PLEKHG4B: variants seen among roughly 807,000 people sequenced by gnomAD.
The protein encoded by PLEKHG4B is pleckstrin homology domain-containing family G member 4B.
A neutral mutation model predicts 121.3 loss-of-function variants in PLEKHG4B; 111 were observed. The observed-to-expected ratio is 0.92, with a 90% confidence interval of 0.78 to 1.07. The LOEUF is 1.07. Ranked by LOEUF, PLEKHG4B falls within the 50% of genes least tolerant of loss-of-function variation. PLEKHG4B has a pLI of 0.00. For missense variants in PLEKHG4B, 1,831 were observed against 1,757.8 expected (o/e 1.04, Z -0.74); for synonymous variants, 738 against 725.0 (o/e 1.02, Z -0.29).
intron 3 of PLEKHG4B, 110 bp from the exon 4 acceptor site, chr5:142,937 T>C: frequency 9.5e-7 from 1 of 1,048,636 alleles, no homozygotes; most frequent in Non-Finnish European, 1.4e-6. Context: ...CGGAACCCCC[T>C]ACTTTCATGC....
chr5:110,585 T>C (rs1400952155), intron 1 of PLEKHG4B, among the ~76,000 whole-genome samples: 9 of 90,790 alleles, frequency 9.9e-5, no homozygotes, highest in East Asian at 3.4e-4. Context: ...CGCGCACACA[T>C]CCACACAATC....
chr5:130,070 TGAGA>T (rs56219630), intron 2 of PLEKHG4B, among the ~76,000 whole-genome samples: 4 of 130,910 alleles, frequency 3.1e-5, no homozygotes, highest in East Asian at 2.0e-4. Flanking sequence ...GAAGAGAGAG[TGAGA>T]GAGAGAGAGA....
In PLEKHG4B at chr5:140,244, C is replaced by A. The variant is rs1735115507; in HGVS notation, c.1005C>A (p.Ser335Arg). 4.2e-6 allele frequency: 6 copies of A among 1,444,362 alleles called. No homozygotes were observed. The highest frequency in any genetic ancestry group is 4.6e-6 in the Non-Finnish European group (5 of 1,093,446). The allele number at this position is 1,444,362 out of a possible 1,614,324, so 89.5% of individuals were successfully genotyped here. The change falls in exon 3 of 20, where the codon AGC becomes AGA. Residue 335 changes from serine to arginine, a missense_variant. Transcript: ENST00000637938. ...TFHTDLGIPS[S>R]RRRPPGDPTC... ...ACACAGACCTGGGCATCCCGAGCAGCAGGAGGCGGCCGCCGGGGGACCCCA... is the reference window on the plus strand; with the variant it reads ...ACACAGACCTGGGCATCCCGAGCAGAAGGAGGCGGCCGCCGGGGGACCCCA...
intron 3 of PLEKHG4B, among the ~76,000 whole-genome samples, chr5:141,686 TGAC>T (rs1042367558): frequency 6.6e-6 from 1 of 150,876 alleles, no homozygotes; most frequent in African/African-American, 2.5e-5. Context: ...AAGAAAATAA[TGAC>T]AACATATTTC....
At chr5:121,546 A>AT (rs1734469565) in intron 2 of PLEKHG4B, among the ~76,000 whole-genome samples, 1 of 152,124 alleles carries the variant, frequency 6.6e-6, no homozygotes, top group African/African-American at 2.4e-5. Context: ...GTATTGTTAG[A>AT]TTTTTTTCAA....
chr5:135,236 A>AATGCAAT (rs1302663743), intron 2 of PLEKHG4B, among the ~76,000 whole-genome samples: 3 of 151,988 alleles, frequency 2.0e-5, no homozygotes, highest in Admixed American at 6.6e-5. Context: ...TATTAAAAAG[A>AATGCAAT]ATGCAATACC....
intron 2 of PLEKHG4B, among the ~76,000 whole-genome samples, chr5:136,142 T>C (rs62344123): frequency 3.9e-5 from 6 of 152,018 alleles, no homozygotes; most frequent in Non-Finnish European, 7.4e-5. Flanking sequence ...GTAGGACCCT[T>C]ACCTAAACCC....
rs201492882 is a variant in PLEKHG4B, at chr5:143,307, C to T, written c.1687+51C>T. ...GTCAGGGCGGATCTGACATCTAAGC[C>T]GACAGCACAGACCCAGCTCACCACC... On this transcript the variant is annotated intron_variant, in intron 4 of 19. Coordinates refer to ENST00000637938, the MANE Select transcript of PLEKHG4B (RefSeq NM_052909.5). The T allele has an allele frequency of 1.4e-4, 228 of 1,607,660 alleles. No homozygotes were observed. The African/African-American group carries it at 2.4e-3, about 17-fold the overall frequency.
Position 174,087 on chromosome 5 carries a change from T to G in PLEKHG4B, c.4391T>G (p.Leu1464Arg). The G allele has an allele frequency of 6.5e-7, 1 of 1,538,002 alleles. No individual in the cohort carries two copies. The highest frequency in any genetic ancestry group is 8.7e-7 in the Non-Finnish European group (1 of 1,142,904). The change falls in exon 18 of 20, where the codon CTA becomes CGA. Residue 1464 changes from leucine to arginine, a missense_variant. By Grantham distance (102) the Leu-to-Arg change is moderately radical. Coordinates refer to ENST00000637938, the MANE Select transcript of PLEKHG4B (RefSeq NM_052909.5). Reference protein sequence around the residue: ...VIGRILWRQALKSRELRIQEM... With the variant: ...VIGRILWRQARKSRELRIQEM... Reference sequence around the variant, plus strand: ...GGGAGGATCCTGTGGCGGCAGGCACTAAAGAGCAGAGGTGGGAAGATGGGG... The same window carrying G: ...GGGAGGATCCTGTGGCGGCAGGCACGAAAGAGCAGAGGTGGGAAGATGGGG...
chr5:157,013 C>A lies in PLEKHG4B; in HGVS notation c.2487+102C>A. The A allele has an allele frequency of 2.1e-6, 3 of 1,435,994 alleles. No homozygotes were observed. The highest frequency in any genetic ancestry group is 2.9e-6 in the Non-Finnish European group (3 of 1,040,358). The allele number at this position is 1,435,994 out of a possible 1,614,324, so 89.0% of individuals were successfully genotyped here. ...CACACTGTGTCTTTAGGGCCTTGAT[C>A]TGATTTCCATTTGGAATGAAATTAT... On this transcript the variant is annotated intron_variant, in intron 11 of 19. Coordinates refer to ENST00000637938, the MANE Select transcript of PLEKHG4B (RefSeq NM_052909.5). The surrounding 1 kb of genome is among the most constrained non-coding windows in gnomAD (Gnocchi z 4.6).
intron 18 of PLEKHG4B, among the ~76,000 whole-genome samples, chr5:180,731 G>A (rs1458445956): frequency 6.6e-6 from 1 of 152,188 alleles, no homozygotes; most frequent in African/African-American, 2.4e-5. Context: ...AATAGCCTTC[G>A]GAGTTAGGGG....
At position 113,412 on chromosome 5, in the gene PLEKHG4B, C is replaced by A; in HGVS notation, c.207C>A (p.Ala69=). The A allele has an allele frequency of 2.5e-6, 1 of 399,130 alleles. No individual in the cohort carries two copies. The highest frequency in any genetic ancestry group is 1.3e-4 in the South Asian group (1 of 7,858). The allele number at this position is 399,130 out of a possible 1,614,324, so 24.7% of individuals were successfully genotyped here. A position where few individuals can be genotyped will look rare whatever the true frequency, so the allele number is the denominator to read the frequency against. Reference sequence around the variant, plus strand: ...GCCTCACCAGCTTCCTCCTCCCAGCCAAGAGGGCCCTGCAGCACCTGCAGC... The same window carrying A: ...GCCTCACCAGCTTCCTCCTCCCAGCAAAGAGGGCCCTGCAGCACCTGCAGC... The part of the protein sequence containing the change: ...LHCLTSFLLP[A]KRALQHLQQE... The change falls in exon 2 of 20, where the codon GCC becomes GCA. Residue 69 remains alanine, a synonymous_variant. Transcript: ENST00000637938. This position sits in a 1 kb window ranked among gnomAD's most constrained non-coding sequence, Gnocchi z 5.2.
At chr5:135,718 T>A (rs1435969130) in intron 2 of PLEKHG4B, among the ~76,000 whole-genome samples, 7 of 110,166 alleles carry the variant, frequency 6.4e-5, no homozygotes, top group African/African-American at 2.2e-4. Flanking sequence ...TATATATATA[T>A]ATATATATAT....
At chr5:92,820 G>C (rs969661114) in intron 1 of PLEKHG4B, among the ~76,000 whole-genome samples, 5 of 152,038 alleles carry the variant, frequency 3.3e-5, no homozygotes, top group African/African-American at 1.2e-4. Flanking sequence ...AGTGATCTGT[G>C]GTGGCCCGGA....
intron 6 of PLEKHG4B, among the ~76,000 whole-genome samples, chr5:149,025 G>C (rs1735518718): frequency 6.6e-6 from 1 of 152,110 alleles, no homozygotes; most frequent in African/African-American, 2.4e-5. Context: ...ACATGCAAAA[G>C]AATGAACTTA....
intron 2 of PLEKHG4B, among the ~76,000 whole-genome samples, chr5:129,014 A>C (rs923484750): frequency 1.3e-5 from 2 of 152,202 alleles, no homozygotes; most frequent in African/African-American, 4.8e-5. Flanking sequence ...TAAGATACCA[A>C]ATCTGAACCT....
chr5:136,531 C>T (rs6880415), intron 2 of PLEKHG4B, among the ~76,000 whole-genome samples: 28,656 of 152,070 alleles, frequency 0.19, 3,764 homozygotes, highest in African/African-American at 0.37. Context: ...CCAAAGAAAA[C>T]ATACAAGTGT....
chr5:108,996 G>T (rs1174903206), intron 1 of PLEKHG4B, among the ~76,000 whole-genome samples: 10 of 152,176 alleles, frequency 6.6e-5, no homozygotes, highest in African/African-American at 2.2e-4. Context: ...CCTCCTGGGG[G>T]TGTGGGTTTC....
chr5:178,241 T>C lies in PLEKHG4B; in HGVS notation c.4403-3273T>C, dbSNP rs1736823078. Among the ~76,000 whole-genome samples, 3 of 152,200 alleles carry C rather than the reference T, an allele frequency of 2.0e-5. No homozygotes were observed. In the South Asian group the frequency reaches 6.2e-4, roughly 32 times the overall value. ...GTGTGGACCATCAGGAAACGCCCTC[T>C]CCCTGGCACTGGCTCCCAAGGTGCC... is the stretch of plus-strand genomic sequence containing the variant. On this transcript the variant is annotated intron_variant, in intron 18 of 19. Transcript: ENST00000637938.
Sources: gnomAD v4.1 joint callset for allele counts (sites outside exome capture counted in the v4.1 genomes callset) on GRCh38, gnomAD v4.1.1 for gene constraint, Gnocchi (gnomAD v3.1) non-coding constraint, MANE v1.5 for transcripts, NCBI Gene and HGNC (gene_info 2026-07-23, HGNC 2026-07-21) for gene names.